Variants in TUBGCP2 observed in about 807,000 individuals in gnomAD.
TUBGCP2 encodes tubulin gamma complex component 2.
Under a neutral mutation model 92.2 loss-of-function variants are expected in TUBGCP2, and 55 were observed. The observed-to-expected ratio is 0.60, with a 90% CI of 0.48 to 0.75. The LOEUF is 0.75. TUBGCP2 is among the 30% of genes least tolerant of loss of function. The pLI is 0.00. For synonymous variants in TUBGCP2, 533 were observed against 505.2 expected (o/e 1.06, Z -0.74); for missense variants, 1,093 against 1,188.9 (o/e 0.92, Z 1.19).
chr10:133,309,478 A>G (rs758293039), upstream of TUBGCP2: 9 of 1,609,828 alleles, frequency 5.6e-6, no homozygotes, highest in Admixed American at 6.7e-5. Context: ...GCGAATGGGC[A>G]GTGCCTAGCC....
intron 9 of TUBGCP2, among the ~76,000 whole-genome samples, chr10:133,289,539 CAGAAAT>C (rs1378245800): frequency 2.0e-5 from 3 of 152,164 alleles, no homozygotes; most frequent in African/African-American, 7.2e-5. Flanking sequence ...AAATCAGAAA[CAGAAAT>C]AGAGAAGGCA....
At chr10:133,306,140 T>C (rs1847813174) in intron 1 of TUBGCP2, among the ~76,000 whole-genome samples, 1 of 152,236 alleles carries the variant, frequency 6.6e-6, no homozygotes, top group Non-Finnish European at 1.5e-5. Context: ...GGGAAATGGT[T>C]AGGTTTACAA....
In TUBGCP2 at chr10:133,285,147, C is replaced by A; in HGVS notation, c.1962G>T (p.Gln654His). ...TGTTGCTGATCCAGACGCTGCAGAGCTGCCGCTCCACGTGCTTGCAGTAGA... is the reference window on the plus strand; with the variant it reads ...TGTTGCTGATCCAGACGCTGCAGAGATGCCGCTCCACGTGCTTGCAGTAGA... Reference protein sequence around the residue: ...HMFYCKHVERQLCSVWISNKT... With the variant: ...HMFYCKHVERHLCSVWISNKT... Residue 654 changes from glutamine (Q) to histidine (H), a missense_variant, in exon 13 of 18, where the codon CAG becomes CAT. By Grantham distance (24) the Gln-to-His change is conservative. This residue lies in a region of TUBGCP2 where 598 missense variants were observed against 675.5 expected (regional missense o/e 0.89). Coordinates refer to ENST00000252936, the MANE Select transcript of TUBGCP2 (RefSeq NM_006659.4). This position sits in a 1 kb window ranked among gnomAD's most constrained non-coding sequence, Gnocchi z 6.8. The A allele has an allele frequency of 6.2e-7, 1 of 1,613,484 alleles. No individual in the cohort carries two copies. Among genetic ancestry groups the A allele is most frequent in the Non-Finnish European group, 8.5e-7 (1 of 1,179,874 alleles).
intron 5 of TUBGCP2, among the ~76,000 whole-genome samples, chr10:133,297,618 T>C (rs553726371): frequency 6.6e-6 from 1 of 152,360 alleles, no homozygotes; most frequent in African/African-American, 2.4e-5. Context: ...ACAATTCTGA[T>C]GCCTGCAGGT....
At chr10:133,291,841 CCT>C (rs1172526523) in intron 8 of TUBGCP2, among the ~76,000 whole-genome samples, 3 of 42,594 alleles carry the variant, frequency 7.0e-5, no homozygotes, top group African/African-American at 3.0e-4. Flanking sequence ...CCCCCATGTC[CCT>C]CCGTGTCCCT....
chr10:133,287,432 G>A (rs1322798773), intron 11 of TUBGCP2, among the ~76,000 whole-genome samples: 1 of 152,062 alleles, frequency 6.6e-6, no homozygotes, highest in Non-Finnish European at 1.5e-5. Context: ...GTAAAAAACA[G>A]ATAAAACATA....
intron 5 of TUBGCP2, among the ~76,000 whole-genome samples, chr10:133,294,493 C>T (rs1847444779): frequency 6.6e-6 from 1 of 152,240 alleles, no homozygotes; most frequent in African/African-American, 2.4e-5. Flanking sequence ...CTCTGTCAGC[C>T]TCACACATCT....
At chr10:133,306,504 C>T (rs1321177626) in intron 1 of TUBGCP2, among the ~76,000 whole-genome samples, 1 of 152,180 alleles carries the variant, frequency 6.6e-6, no homozygotes, top group African/African-American at 2.4e-5. Flanking sequence ...TTAAAAACTA[C>T]ATGCTGGGCA....
intron 1 of TUBGCP2, 36 bp from the exon 2 acceptor site, chr10:133,303,016 A>T (rs1847712468): frequency 1.3e-6 from 2 of 1,582,954 alleles, no homozygotes; most frequent in Non-Finnish European, 1.7e-6. Context: ...TAAAATTCAA[A>T]CTGTAGAAAT....
intron 7 of TUBGCP2, 107 bp downstream of exon 7, chr10:133,292,931 GC>G: frequency 1.5e-6 from 2 of 1,323,210 alleles, no homozygotes; most frequent in Non-Finnish European, 2.1e-6. Context: ...ACACGCCCCT[GC>G]CCTGGGCAGC....
At position 133,285,867 on chromosome 10, in the gene TUBGCP2, C is replaced by T. The variant is rs1847123281; in HGVS notation, c.1723-239G>A. Reference sequence around the variant, plus strand: ...TCAGATGAATTACTTTGTAAATACCCACTGCTGCTGTGGGTGGTATAAGGG... The same window carrying T: ...TCAGATGAATTACTTTGTAAATACCTACTGCTGCTGTGGGTGGTATAAGGG... On this transcript the variant is annotated intron_variant, in intron 11 of 17. Coordinates refer to ENST00000252936, the MANE Select transcript of TUBGCP2 (RefSeq NM_006659.4). This position sits in a 1 kb window ranked among gnomAD's most constrained non-coding sequence, Gnocchi z 6.8. Among the ~76,000 whole-genome samples, 1 of 152,066 alleles carries T rather than the reference C, an allele frequency of 6.6e-6. No individual in the cohort carries two copies. The highest frequency in any genetic ancestry group is 2.4e-5 in the African/African-American group (1 of 41,392).
At chr10:133,312,106 G>A (rs1848004101), upstream of TUBGCP2, 30 of 1,445,604 alleles carry the variant, frequency 2.1e-5, no homozygotes, top group Non-Finnish European at 2.5e-5. Flanking sequence ...GAGTGGGATG[G>A]AAAGAGTCTC....
rs753633069 is a variant in TUBGCP2 at position 133,293,726 on chromosome 10, G to A, written c.660C>T (p.Asp220=). The A allele has an allele frequency of 1.9e-6, 3 of 1,604,248 alleles. No homozygotes were observed. The highest frequency in any genetic ancestry group is 1.1e-5 in the South Asian group (1 of 89,178). The change falls in exon 6 of 18, where the codon GAC becomes GAT. Residue 220 remains aspartate (D), a synonymous_variant. Coordinates refer to ENST00000252936, the MANE Select transcript of TUBGCP2 (RefSeq NM_006659.4). ...CCACGCCCACCAGCACGTACAGCAG[G>A]TCCTCCACCACGGCCGACTCCTGCG... The part of the protein sequence containing the change: ...LASQESAVVE[D]LLYVLVGVDG...
At chr10:133,312,117 A>G, upstream of TUBGCP2, 1 of 1,441,142 alleles carries the variant, frequency 6.9e-7, no homozygotes. Context: ...AAAGAGTCTC[A>G]CTTGCAGTTG....
chr10:133,297,234 T>C (rs1025023869), intron 5 of TUBGCP2: 3 of 312,944 alleles, frequency 9.6e-6, no homozygotes, highest in Non-Finnish European at 1.9e-5. Flanking sequence ...AAACCCCGTC[T>C]CTACTAAAAA....
At chr10:133,310,534 G>T (rs776188472), upstream of TUBGCP2, 1 of 540,496 alleles carries the variant, frequency 1.9e-6, no homozygotes, top group African/African-American at 1.9e-5. Flanking sequence ...GGCAGCAGAG[G>T]GGGTGTGGGA....
intron 9 of TUBGCP2, among the ~76,000 whole-genome samples, chr10:133,289,600 G>A (rs1008157178): frequency 6.6e-6 from 1 of 152,202 alleles, no homozygotes; most frequent in Non-Finnish European, 1.5e-5. Flanking sequence ...TCCCGGAGAT[G>A]GAAACCTGAG....
chr10:133,284,715 C>G (rs1369202262), intron 13 of TUBGCP2, among the ~76,000 whole-genome samples: 1 of 152,122 alleles, frequency 6.6e-6, no homozygotes, highest in Non-Finnish European at 1.5e-5. Context: ...ACCCTAGAGG[C>G]ACAGACCGGC....
At chr10:133,292,104 C>T (rs1244824981) in intron 8 of TUBGCP2, among the ~76,000 whole-genome samples, 1 of 11,968 alleles carries the variant, frequency 8.4e-5, no homozygotes, top group Non-Finnish European at 1.8e-4. Flanking sequence ...CGTGTCCCTC[C>T]GTGTCCCCCA....
Sources: gnomAD v4.1 joint callset for allele counts (sites outside exome capture counted in the v4.1 genomes callset) on GRCh38, gnomAD v4.1.1 for gene constraint, gnomAD v4.1.1 regional missense constraint, Gnocchi (gnomAD v3.1) non-coding constraint, MANE v1.5 for transcripts, NCBI Gene and HGNC (gene_info 2026-07-23, HGNC 2026-07-21) for gene names.